The following ZNF536 variants were observed in gnomAD, a reference collection of about 807,000 sequenced individuals.
The protein encoded by ZNF536 is zinc finger protein 536.
In ZNF536, 13 loss-of-function variants were observed where a neutral mutation model predicts 84.5. That is an observed-to-expected ratio of 0.15 (90% confidence interval 0.10 to 0.24). ZNF536 has a LOEUF of 0.24. Ranked by LOEUF, ZNF536 falls within the 10% of genes least tolerant of loss-of-function variation. The pLI, the probability that ZNF536 is intolerant of heterozygous loss-of-function variation, is 1.00. For missense variants in ZNF536, 1,536 were observed against 1,747.5 expected (o/e 0.88, Z 2.16); for synonymous variants, 811 against 742.5 (o/e 1.09, Z -1.50).
At chr19:30,698,086 G>C (rs772782109) in intron 1 of ZNF536, among the ~76,000 whole-genome samples, 13 of 152,200 alleles carry the variant, frequency 8.5e-5, no homozygotes, top group Admixed American at 3.3e-4. Context: ...GAGGTCAACT[G>C]TTCAAGACCA....
chr19:30,542,638 T>C (rs2045376700), intron 3 of ZNF536, among the ~76,000 whole-genome samples: 1 of 152,196 alleles, frequency 6.6e-6, no homozygotes, highest in Non-Finnish European at 1.5e-5. Flanking sequence ...CCAGTGTTCG[T>C]AGCTGCTTCC....
At chr19:30,324,544 G>A (rs973406662) in intron 2 of ZNF536, among the ~76,000 whole-genome samples, 1 of 152,120 alleles carries the variant, frequency 6.6e-6, no homozygotes, top group Non-Finnish European at 1.5e-5. Flanking sequence ...CGCCATGCCT[G>A]GTTAGTTTTA....
At chr19:30,572,662 C>T (rs1428575137) in intron 1 of ZNF536, among the ~76,000 whole-genome samples, 4 of 152,116 alleles carry the variant, frequency 2.6e-5, no homozygotes, top group South Asian at 2.1e-4. Flanking sequence ...TGACATCTCT[C>T]GTGGGGCTTA....
intron 1 of ZNF536, among the ~76,000 whole-genome samples, chr19:30,596,414 A>G (rs999947021): frequency 3.3e-5 from 5 of 152,242 alleles, no homozygotes; most frequent in African/African-American, 9.6e-5. Context: ...AAATACTTAT[A>G]TTCTTTGTTG....
At chr19:30,447,882 C>T (rs964383354) in intron 2 of ZNF536, among the ~76,000 whole-genome samples, 10 of 152,172 alleles carry the variant, frequency 6.6e-5, no homozygotes, top group African/African-American at 2.4e-4. Flanking sequence ...GTAAGGGTCT[C>T]GGCAGAATAT....
At chr19:30,409,377 A>G (rs1166153860) in intron 1 of ZNF536, among the ~76,000 whole-genome samples, 1 of 152,130 alleles carries the variant, frequency 6.6e-6, no homozygotes, top group Non-Finnish European at 1.5e-5. Context: ...CTAATCTTAC[A>G]GAGCTCTCTT....
chr19:30,301,719 C>T (rs1418735988), intron 2 of ZNF536, among the ~76,000 whole-genome samples: 3 of 151,818 alleles, frequency 2.0e-5, no homozygotes, highest in African/African-American at 7.3e-5. Flanking sequence ...CTATTCGTTT[C>T]GATTAAATTT....
rs184280827 is a variant in ZNF536, at chr19:30,546,777, C to T, written c.2324-1166C>T. ...CAGGGCACCATTGTGAATAAGAGAG[C>T]GGGGACTGTCACAGTCCCCATTCCT... On this transcript the variant is annotated intron_variant, in intron 3 of 4. Coordinates refer to ENST00000355537, the MANE Select transcript of ZNF536 (RefSeq NM_014717.3). Among the ~76,000 whole-genome samples, 12 of 152,262 alleles carry T rather than the reference C, an allele frequency of 7.9e-5. No individual in the cohort carries two copies. In the East Asian group the frequency reaches 1.5e-3, roughly 20 times the overall value.
intron 1 of ZNF536, among the ~76,000 whole-genome samples, chr19:30,651,747 T>A (rs1035140366): frequency 2.6e-5 from 4 of 152,184 alleles, no homozygotes; most frequent in African/African-American, 9.7e-5. Flanking sequence ...TACAGCATTT[T>A]AAACCCACAC....
rs554129084 is a variant in ZNF536 at position 30,638,001 on chromosome 19, G to T, written c.170-72756G>T. On this transcript the variant is annotated intron_variant, in intron 1 of 1. Coordinates refer to the ZNF536 transcript ENST00000592773. ...ATCACAGCACAACCCAAACATCCTT[G>T]TGGCTTACTCATGGACCACCCAGAA... Among the ~76,000 whole-genome samples, 6 of 152,246 alleles carry T rather than the reference G, an allele frequency of 3.9e-5. No individual in the cohort carries two copies. In the South Asian group the frequency reaches 1.2e-3, roughly 32 times the overall value.
At chr19:30,327,044 A>G (rs2047063967) in intron 2 of ZNF536, among the ~76,000 whole-genome samples, 1 of 152,024 alleles carries the variant, frequency 6.6e-6, no homozygotes, top group Non-Finnish European at 1.5e-5. Context: ...CAGCCCAGCA[A>G]TAACTGGAGG....
intron 1 of ZNF536, among the ~76,000 whole-genome samples, chr19:30,599,528 C>T (rs1180332007): frequency 7.7e-6 from 1 of 129,344 alleles, no homozygotes; most frequent in East Asian, 2.5e-4. Flanking sequence ...CCTTCCCTCC[C>T]CCAGCCCTTG....
intron 1 of ZNF536, among the ~76,000 whole-genome samples, chr19:30,271,760 C>G (rs1003551897): frequency 6.6e-6 from 1 of 152,144 alleles, no homozygotes; most frequent in Non-Finnish European, 1.5e-5. Context: ...GAGTAACCAC[C>G]TTGTGAGGTG....
intron 1 of ZNF536, among the ~76,000 whole-genome samples, chr19:30,701,466 AACACACACAGACACACACAAAC>A (rs2051970484): frequency 7.6e-6 from 1 of 131,872 alleles, no homozygotes; most frequent in Non-Finnish European, 1.7e-5. Context: ...CAAACACACA[AACACACACAGACACACACAAAC>A]ACACACACAG....
intron 1 of ZNF536, among the ~76,000 whole-genome samples, chr19:30,376,825 A>G (rs1299670302): frequency 6.6e-6 from 1 of 152,116 alleles, no homozygotes; most frequent in East Asian, 1.9e-4. Flanking sequence ...CCATTAAAGC[A>G]CATGTGCCTC....
intron 1 of ZNF536, among the ~76,000 whole-genome samples, chr19:30,652,963 ATCCACTCTCGATGCCCCG>A: frequency 6.6e-6 from 1 of 152,298 alleles, no homozygotes; most frequent in Non-Finnish European, 1.5e-5. Context: ...ACAGTGCTGC[ATCCACTCTCGATGCCCCG>A]TCAGAATCCA....
At chr19:30,478,057 G>A (rs928659779) in intron 2 of ZNF536, among the ~76,000 whole-genome samples, 3 of 152,094 alleles carry the variant, frequency 2.0e-5, no homozygotes, top group South Asian at 2.1e-4. Context: ...TGCAGACCTC[G>A]GCGTCCTTGA....
At chr19:30,298,224 C>T (rs181506087) in intron 2 of ZNF536, among the ~76,000 whole-genome samples, 1 of 152,152 alleles carries the variant, frequency 6.6e-6, no homozygotes, top group Non-Finnish European at 1.5e-5. Context: ...ACAGTACCCT[C>T]TTCCCTTTAG....
chr19:30,264,395 C>CTGTGTGTGTGTGTGTGTG (rs66665013), intron 1 of ZNF536, among the ~76,000 whole-genome samples: 4 of 124,556 alleles, frequency 3.2e-5, no homozygotes, highest in Non-Finnish European at 5.7e-5. Flanking sequence ...AGTTGTGCCT[C>CTGTGTGTGTGTGTGTGTG]TGTGTGTGTG....
Sources: gnomAD v4.1 joint callset for allele counts (sites outside exome capture counted in the v4.1 genomes callset) on GRCh38, gnomAD v4.1.1 for gene constraint, MANE v1.5 for transcripts, NCBI Gene and HGNC (gene_info 2026-07-23, HGNC 2026-07-21) for gene names.